The following RPL12 variants were observed in gnomAD, a reference collection of about 807,000 sequenced individuals.
RPL12 encodes the protein ribosomal protein L12.
Under a neutral mutation model 24.5 loss-of-function variants are expected in RPL12, and 10 were observed. The observed-to-expected ratio is 0.41, with a 90% CI of 0.25 to 0.69. The LOEUF (loss-of-function observed/expected upper bound fraction) is 0.69, where lower values mean the gene tolerates loss of function less well. Ranked by LOEUF, RPL12 falls within the 30% of genes least tolerant of loss-of-function variation. The pLI is 0.33. For synonymous variants in RPL12, 74 were observed against 76.1 expected (o/e 0.97, Z 0.14); for missense variants, 137 against 205.3 (o/e 0.67, Z 2.03).
intron 2 of RPL12, 21 bp downstream of exon 2, chr9:127,450,710 C>T: frequency 6.5e-7 from 1 of 1,545,666 alleles, no homozygotes; most frequent in Non-Finnish European, 8.8e-7. Context: ...AAAAAAATGC[C>T]CCTTGGAGGG....
intron 4 of RPL12, 91 bp downstream of exon 4, chr9:127,449,190 C>T: frequency 9.4e-7 from 1 of 1,061,722 alleles, no homozygotes; most frequent in Non-Finnish European, 1.4e-6. Flanking sequence ...CCCATGTCAA[C>T]CCCAGGTTTC....
In RPL12 at chr9:127,447,735, A is replaced by G. The variant is rs761427989; in HGVS notation, c.493-9T>C. On this transcript the variant is annotated splice_polypyrimidine_tract_variant and intron_variant, in intron 6 of 6. Coordinates refer to ENST00000361436, the MANE Select transcript of RPL12 (RefSeq NM_000976.4). The stretch of plus-strand genomic sequence containing the variant: ...TTCCTTTGTGCTTAACTCTGTGGGA[A>G]AGAAAAAAAAAATCAGTAAAAAGTT... The G allele has an allele frequency of 8.7e-6, 14 of 1,613,554 alleles. No homozygotes were observed. Among genetic ancestry groups the G allele is most frequent in the Non-Finnish European group, 1.2e-5 (14 of 1,179,848 alleles).
intron 1 of RPL12, 132 bp downstream of exon 1, chr9:127,451,149 G>A: frequency 4.8e-6 from 6 of 1,245,322 alleles, no homozygotes; most frequent in Non-Finnish European, 6.7e-6. Flanking sequence ...AGGCTTGGCC[G>A]GGGCGGCGCA....
chr9:127,448,033 C>G (rs1225426128), intron 5 of RPL12, 44 bp from the exon 6 acceptor site: 2 of 1,562,952 alleles, frequency 1.3e-6, no homozygotes, highest in East Asian at 2.2e-5. Flanking sequence ...TGGCTCAGTC[C>G]CTCACAATCT....
chr9:127,450,928 G>T, intron 1 of RPL12, 124 bp from the exon 2 acceptor site: 2 of 777,782 alleles, frequency 2.6e-6, no homozygotes, highest in South Asian at 3.4e-5. Flanking sequence ...AGCGCGAGGC[G>T]GGCCACCCGC....
At chr9:127,448,953 G>T (rs573478941) in intron 4 of RPL12, among the ~76,000 whole-genome samples, 4 of 151,652 alleles carry the variant, frequency 2.6e-5, no homozygotes, top group Non-Finnish European at 5.9e-5. Flanking sequence ...TGCCTCAGCC[G>T]TCTGAGTAGC....
chr9:127,451,382 C>T lies in RPL12; in HGVS notation c.-65G>A, dbSNP rs561316557. 120 of 1,598,180 alleles carry T rather than the reference C, an allele frequency of 7.5e-5. No individual in the cohort carries two copies. Among genetic ancestry groups the T allele is most frequent in the South Asian group, 2.9e-4 (26 of 90,320 alleles). ...CGACCGAAGGAAGTTGCACCTTGGC[C>T]TCCTCCGAGCCGAAAGCCGAGAGGC... On this transcript the variant is annotated 5_prime_UTR_variant, in exon 1 of 7. Coordinates refer to ENST00000361436, the MANE Select transcript of RPL12 (RefSeq NM_000976.4).
intron 2 of RPL12, 34 bp downstream of exon 2, chr9:127,450,697 G>A (rs1352093882): frequency 1.3e-6 from 2 of 1,494,408 alleles, no homozygotes; most frequent in South Asian, 2.4e-5. Context: ...TGAAACAAAT[G>A]TGAAAAAAAT....
chr9:127,450,672 A>C (rs1834278351), intron 2 of RPL12, 59 bp downstream of exon 2: 21 of 1,298,968 alleles, frequency 1.6e-5, no homozygotes, highest in Non-Finnish European at 2.1e-5. Context: ...TGACTCCACG[A>C]GCCGGCGCTT....
At chr9:127,448,930 C>T (rs151269895) in intron 4 of RPL12, among the ~76,000 whole-genome samples, 1,519 of 151,582 alleles carry the variant, frequency 0.01, 32 homozygotes, top group African/African-American at 0.035. Context: ...CTCCTGGGTT[C>T]GAGTGATTCT....
intron 1 of RPL12, chr9:127,451,034 C>T (rs1178178195): frequency 7.7e-6 from 5 of 645,554 alleles, no homozygotes; most frequent in African/African-American, 7.4e-5. Context: ...GCGAAACGCC[C>T]GGAGACAAGC....
At chr9:127,451,208 G>C in intron 1 of RPL12, 73 bp downstream of exon 1, 3 of 1,583,236 alleles carry the variant, frequency 1.9e-6, no homozygotes, top group Non-Finnish European at 2.6e-6. Context: ...CCCCATACGG[G>C]GAAAGCTTTG....
chr9:127,447,879 C>T lies in RPL12; in HGVS notation c.490G>A (p.Ala164Thr). 6.2e-7 allele frequency: 1 copy of T among 1,612,026 alleles called. No individual in the cohort carries two copies. The highest frequency in any genetic ancestry group is 1.1e-5 in the South Asian group (1 of 90,548). Reference sequence around the variant, plus strand: ...GTAACAATGAAAATGTCACTTACGGCTGGGCATTCCACAGCACCACTGTTG... The same window carrying T: ...GTAACAATGAAAATGTCACTTACGGTTGGGCATTCCACAGCACCACTGTTG... ...DINSGAVECP[A>T]S Residue 164 changes from alanine (A) to threonine (T), a missense_variant and splice_region_variant, in exon 6 of 7, where the codon GCC becomes ACC. Ala to Thr is a moderately conservative substitution (Grantham distance 58). This residue lies in a region of RPL12 where 118 missense variants were observed against 160.7 expected (regional missense o/e 0.73). Transcript: ENST00000361436.
intron 1 of RPL12, 66 bp downstream of exon 1, chr9:127,451,215 T>C (rs1220542733): frequency 3.1e-6 from 5 of 1,592,162 alleles, no homozygotes; most frequent in Admixed American, 1.8e-5. Flanking sequence ...CGGGGAAAGC[T>C]TTGCACGCGC....
intron 2 of RPL12, 73 bp downstream of exon 2, chr9:127,450,658 G>C: frequency 2.5e-6 from 3 of 1,183,918 alleles, no homozygotes; most frequent in Non-Finnish European, 3.6e-6. Flanking sequence ...CTCTGGCACA[G>C]GCGTGACTCC....
At chr9:127,450,386 T>G (rs922285879) in intron 2 of RPL12, 31 of 238,342 alleles carry the variant, frequency 1.3e-4, no homozygotes, top group African/African-American at 5.0e-4. Flanking sequence ...ACACCCCGTT[T>G]AATCTCCCAA....
rs754019463 is a variant in RPL12 at position 127,448,432 on chromosome 9, G to T, written c.293-9C>A. 8 of 1,587,880 alleles carry T rather than the reference G, an allele frequency of 5.0e-6. No individual in the cohort carries two copies. The highest frequency in any genetic ancestry group is 2.2e-5 in the East Asian group (1 of 44,804). ...ATTCCCACTGTGTTTAACTGCAGAA[G>T]AGGAAACAGCAAAAGCTCTTTTAAA... On this transcript the variant is annotated splice_polypyrimidine_tract_variant and intron_variant, in intron 4 of 6. Coordinates refer to ENST00000361436, the MANE Select transcript of RPL12 (RefSeq NM_000976.4).
At chr9:127,450,387 A>C (rs1241282246) in intron 2 of RPL12, 1 of 239,024 alleles carries the variant, frequency 4.2e-6, no homozygotes, top group African/African-American at 2.3e-5. Flanking sequence ...CACCCCGTTT[A>C]ATCTCCCAAC....
intron 6 of RPL12, 24 bp downstream of exon 6, chr9:127,447,853 T>C (rs770330760): frequency 6.2e-7 from 1 of 1,610,678 alleles, no homozygotes; most frequent in Non-Finnish European, 8.5e-7. Flanking sequence ...TCACCCCTAC[T>C]GTAACAATGA....
Sources: gnomAD v4.1 joint callset for allele counts (sites outside exome capture counted in the v4.1 genomes callset) on GRCh38, gnomAD v4.1.1 for gene constraint, gnomAD v4.1.1 regional missense constraint, MANE v1.5 for transcripts, NCBI Gene and HGNC (gene_info 2026-07-23, HGNC 2026-07-21) for gene names.